Variants in GPR33 observed in about 807,000 individuals in gnomAD.
GPR33 encodes probable G protein-coupled receptor 33.
A neutral mutation model predicts 3.1 loss-of-function variants in GPR33; 4 were observed. That is an observed-to-expected ratio of 1.29 (90% CI 0.64 to 2.96). The LOEUF (loss-of-function observed/expected upper bound fraction) is 2.96, where lower values mean the gene tolerates loss of function less well. Among genes scored for constraint, GPR33 ranks in the 30% most tolerant of loss-of-function variants. The pLI is 0.01. For missense variants in GPR33, 390 were observed against 388.9 expected (o/e 1.00, Z -0.02); for synonymous variants, 138 against 142.0 (o/e 0.97, Z 0.20).
chr14:31,483,153 C>T lies in GPR33; in HGVS notation c.813G>A (p.Thr271=), dbSNP rs750501934. The change falls in exon 2 of 2, where the codon ACG becomes ACA. Residue 271 remains threonine (T), a synonymous_variant. Coordinates refer to ENST00000399285, the MANE Select transcript of GPR33 (RefSeq NM_001197184.3). ...YHIHQGLLLT[T]NQSLLLELTL... Reference sequence around the variant, plus strand: ...TCAACTCTAAAAGTAGTGACTGGTTCGTAGTGAGAAGTAAGCCCTGGTGTA... The same window carrying T: ...TCAACTCTAAAAGTAGTGACTGGTTTGTAGTGAGAAGTAAGCCCTGGTGTA... The T allele has an allele frequency of 2.1e-5, 33 of 1,535,852 alleles. 2 individuals carry two copies. In the South Asian group the frequency reaches 2.7e-4, roughly 13 times the overall value.
At chr14:31,484,046 T>C in intron 1 of GPR33, 75 bp from the exon 2 acceptor site, 3 of 1,242,118 alleles carry the variant, frequency 2.4e-6, no homozygotes, top group Non-Finnish European at 3.2e-6. Context: ...ATTTAAAGAG[T>C]AATTTTTTAC....
chr14:31,483,939 G>A lies in GPR33; in HGVS notation c.27C>T (p.Tyr9=). 6.5e-7 allele frequency: 1 copy of A among 1,535,226 alleles called. No homozygotes were observed. Residue 9 remains tyrosine (Y), a synonymous_variant, in exon 2 of 2, where the codon TAC becomes TAT. Coordinates refer to ENST00000399285, the MANE Select transcript of GPR33 (RefSeq NM_001197184.3). The stretch of plus-strand genomic sequence containing the variant: ...TTACTAAAGTAGAGGCATTGATCAG[G>A]TAATCAGTAGAGTTGATCAGATCCA... MDLINSTD[Y]LINASTLVRN... is the part of the protein sequence containing the mutation.
In GPR33 at chr14:31,483,149, G is replaced by C. The variant is rs1288889682; in HGVS notation, c.817C>G (p.Gln273Glu). The change falls in exon 2 of 2, where the codon CAG becomes GAG. Residue 273 changes from glutamine to glutamate, a missense_variant. Physicochemically the swap from Gln to Glu is conservative, Grantham distance 29. Transcript: ENST00000399285. ...IHQGLLLTTN[Q>E]SLLLELTLIL... The stretch of plus-strand genomic sequence containing the variant: ...AAAGTCAACTCTAAAAGTAGTGACT[G>C]GTTCGTAGTGAGAAGTAAGCCCTGG... 1.3e-6 allele frequency: 2 copies of C among 1,536,040 alleles called. No individual in the cohort carries two copies. The highest frequency in any genetic ancestry group is 2.4e-5 in the South Asian group (2 of 84,052).
intron 1 of GPR33, among the ~76,000 whole-genome samples, chr14:31,487,432 G>GTTTTTTTTTTTTTTTT (rs752227440): frequency 1.4e-5 from 1 of 70,380 alleles, no homozygotes; most frequent in Admixed American, 2.0e-4. Context: ...AAGCCCCTCA[G>GTTTTTTTTTTTTTTTT]TTTTTTTTTT....
Position 31,483,104 on chromosome 14 carries a change from T to G in GPR33, c.862A>C (p.Thr288Pro). 6.5e-7 allele frequency: 1 copy of G among 1,536,008 alleles called. No homozygotes were observed. Among genetic ancestry groups the G allele is most frequent in the Non-Finnish European group, 8.7e-7 (1 of 1,146,852 alleles). The change falls in exon 2 of 2, where the codon ACT becomes CCT. Residue 288 changes from threonine to proline, a missense_variant. Transcript: ENST00000399285. ...GGAGAAAAGATAGTATTGAAAGAAG[T>G]GGTTAGCACTGTAAGTATCAAAGTC... ...ELTLILTVLT[T>P]SFNTIFSPTL... is the part of the protein sequence containing the mutation.
rs1296458675 is a variant in GPR33, at chr14:31,483,602, T to C, written c.364A>G (p.Ile122Val). Residue 122 changes from isoleucine (I) to valine (V), a missense_variant, in exon 2 of 2, where the codon ATC becomes GTC. Physicochemically the swap from Ile to Val is conservative, Grantham distance 29. Transcript: ENST00000399285. ...MFTSVFFLSAIGLDRYLLTLH... is the reference protein window; with the variant it reads ...MFTSVFFLSAVGLDRYLLTLH... ...GTGAGAAGGTAACGATCAAGACCGA[T>C]GGCCGAAAGGAAGAAAACAGAGGTG... The C allele has an allele frequency of 2.0e-6, 3 of 1,536,092 alleles. No homozygotes were observed. The highest frequency in any genetic ancestry group is 2.4e-5 in the East Asian group (1 of 40,920).
In GPR33 at chr14:31,483,748, G is replaced by T. The variant is rs1021706534; in HGVS notation, c.218C>A (p.Ser73Tyr). The change falls in exon 2 of 2, where the codon TCT becomes TAT. Residue 73 changes from serine to tyrosine, a missense_variant. By Grantham distance (144) the Ser-to-Tyr change is moderately radical. Coordinates refer to ENST00000399285, the MANE Select transcript of GPR33 (RefSeq NM_001197184.3). ...CAGAATCATTGTTGAAATAAAATAA[G>T]AGAGAATGAGATGAAAAAATAAGAG... ...NTLLFFHLIL[S>Y]YFISTMILPF... 13 of 1,536,000 alleles carry T rather than the reference G, an allele frequency of 8.5e-6. No homozygotes were observed. Among genetic ancestry groups the T allele is most frequent in the African/African-American group, 1.4e-5 (1 of 73,040 alleles).
At chr14:31,487,744 G>A (rs923137143) in intron 1 of GPR33, among the ~76,000 whole-genome samples, 153 bp downstream of exon 1, 4 of 152,074 alleles carry the variant, frequency 2.6e-5, no homozygotes, top group Non-Finnish European at 4.4e-5. Flanking sequence ...AGCCACAGGC[G>A]GCTTTCAGGA....
chr14:31,484,004 A>G (rs578142516), intron 1 of GPR33, 33 bp from the exon 2 acceptor site: 20 of 1,444,564 alleles, frequency 1.4e-5, no homozygotes, highest in Non-Finnish European at 1.8e-5. Context: ...AATAACAACA[A>G]GAAAAAGCAA....
In GPR33 at chr14:31,483,834, G is replaced by A. The variant is rs544926514; in HGVS notation, c.132C>T (p.Thr44=). ...LSLYISSIIG[T]ITNGLYLWVL... ...CCCATAGATAGAGGCCATTGGTGAT[G>A]GTACCAATTATAGATGAAATGTACA... Residue 44 remains threonine, a synonymous_variant, in exon 2 of 2, where the codon ACC becomes ACT. Coordinates refer to ENST00000399285, the MANE Select transcript of GPR33 (RefSeq NM_001197184.3). The A allele has an allele frequency of 2.2e-5, 34 of 1,535,934 alleles. No homozygotes were observed. The highest frequency in any genetic ancestry group is 1.2e-5 in the South Asian group (1 of 84,052).
chr14:31,487,407 A>C (rs116623984), intron 1 of GPR33, among the ~76,000 whole-genome samples: 1,369 of 135,866 alleles, frequency 0.01, 19 homozygotes, highest in East Asian at 0.068. Context: ...ACTTGTTGAG[A>C]CTTTTTCTCC....
intron 1 of GPR33, among the ~76,000 whole-genome samples, chr14:31,484,899 A>G (rs2032401184): frequency 6.6e-6 from 1 of 152,130 alleles, no homozygotes; most frequent in African/African-American, 2.4e-5. Context: ...TACCTTCAGA[A>G]TCATCAACAA....
intron 1 of GPR33, among the ~76,000 whole-genome samples, chr14:31,487,432 GTTTTTTTTTTTTT>G (rs752227440): frequency 1.4e-5 from 1 of 70,380 alleles, no homozygotes; most frequent in African/African-American, 5.7e-5. Context: ...AAGCCCCTCA[GTTTTTTTTTTTTT>G]TTTTTTTTTT....
At chr14:31,487,541 G>C (rs145821782) in intron 1 of GPR33, among the ~76,000 whole-genome samples, 5,219 of 143,000 alleles carry the variant, frequency 0.036, 268 homozygotes, top group African/African-American at 0.13. Flanking sequence ...CTGGGTTCAA[G>C]TGATTCTCCT....
At position 31,483,436 on chromosome 14, in the gene GPR33, A is replaced by C; in HGVS notation, c.530T>G (p.Val177Gly). ...RETHHDRKGK[V>G]TCQNNYAVST... ...CACAGCATAGTTATTTTGGCAAGTC[A>C]CCTTTCCTTTACGGTCATGATGTGT... is the stretch of plus-strand genomic sequence containing the variant. The change falls in exon 2 of 2, where the codon GTG becomes GGG. Residue 177 changes from valine to glycine, a missense_variant. Transcript: ENST00000399285. The C allele has an allele frequency of 3.9e-6, 6 of 1,536,126 alleles. No homozygotes were observed. The highest frequency in any genetic ancestry group is 4.4e-6 in the Non-Finnish European group (5 of 1,146,904).
At chr14:31,485,753 C>A (rs2032413156) in intron 1 of GPR33, among the ~76,000 whole-genome samples, 1 of 152,108 alleles carries the variant, frequency 6.6e-6, no homozygotes, top group African/African-American at 2.4e-5. Flanking sequence ...ATATTTCCCA[C>A]CATGCCTCCA....
intron 1 of GPR33, among the ~76,000 whole-genome samples, chr14:31,484,286 T>C: frequency 6.6e-6 from 1 of 151,764 alleles, no homozygotes; most frequent in East Asian, 1.9e-4. Context: ...GTTAAAAATC[T>C]ATTTTTTTTT....
At chr14:31,484,058 T>C in intron 1 of GPR33, 87 bp from the exon 2 acceptor site, 1 of 1,032,750 alleles carries the variant, frequency 9.7e-7, no homozygotes, top group Non-Finnish European at 1.4e-6. Flanking sequence ...ATTTTTTACA[T>C]AGTGATACTT....
Position 31,483,609 on chromosome 14 carries a change from A to G in GPR33, c.357T>C (p.Leu119=). The G allele has an allele frequency of 6.5e-7, 1 of 1,536,178 alleles. No homozygotes were observed. The highest frequency in any genetic ancestry group is 8.7e-7 in the Non-Finnish European group (1 of 1,146,914). Residue 119 remains leucine, a synonymous_variant, in exon 2 of 2, where the codon CTT becomes CTC. Transcript: ENST00000399285. ...SLGMFTSVFF[L]SAIGLDRYLL... is the part of the protein sequence containing the mutation. ...GGTAACGATCAAGACCGATGGCCGA[A>G]AGGAAGAAAACAGAGGTGAACATCC... is the stretch of plus-strand genomic sequence containing the variant.
Sources: gnomAD v4.1 joint callset for allele counts (sites outside exome capture counted in the v4.1 genomes callset) on GRCh38, gnomAD v4.1.1 for gene constraint, MANE v1.5 for transcripts, NCBI Gene and HGNC (gene_info 2026-07-23, HGNC 2026-07-21) for gene names.